The following PCDH9 variants were observed in gnomAD, a reference collection of about 807,000 sequenced individuals.
The protein encoded by PCDH9 is protocadherin-9.
PCDH9 carries 24 observed loss-of-function variants against 70.6 expected under a neutral mutation model. The observed-to-expected ratio is 0.34, with a 90% CI of 0.25 to 0.48. PCDH9 has a LOEUF of 0.48. Ranked by LOEUF, PCDH9 falls within the 20% of genes least tolerant of loss-of-function variation. The pLI is 0.99. For missense variants in PCDH9, 1,281 were observed against 1,503.6 expected (o/e 0.85, Z 2.45); for synonymous variants, 562 against 558.5 (o/e 1.01, Z -0.09).
At chr13:67,086,843 T>C (rs893336280) in intron 2 of PCDH9, among the ~76,000 whole-genome samples, 10 of 152,016 alleles carry the variant, frequency 6.6e-5, no homozygotes, top group African/African-American at 2.2e-4. Context: ...GATACAAACT[T>C]AGAAAGGAAT....
intron 3 of PCDH9, among the ~76,000 whole-genome samples, chr13:66,698,883 G>A (rs186365780): frequency 1.2e-4 from 18 of 147,272 alleles, no homozygotes; most frequent in Non-Finnish European, 2.1e-4. Context: ...CACTTCGCCC[G>A]GCTCAATTCC....
intron 4 of PCDH9, among the ~76,000 whole-genome samples, chr13:66,500,422 G>T (rs371597292): frequency 5.2e-4 from 79 of 152,008 alleles, no homozygotes; most frequent in African/African-American, 1.8e-3. Flanking sequence ...ATAATATCAA[G>T]GAATTGCTTT....
intron 3 of PCDH9, among the ~76,000 whole-genome samples, chr13:66,709,113 T>A (rs1436957366): frequency 1.3e-5 from 2 of 152,160 alleles, no homozygotes; most frequent in Non-Finnish European, 2.9e-5. Flanking sequence ...GACTTGACAA[T>A]TGATTTCCTG....
chr13:66,490,567 T>G (rs539112187), intron 4 of PCDH9, among the ~76,000 whole-genome samples: 1 of 152,348 alleles, frequency 6.6e-6, no homozygotes, highest in South Asian at 2.1e-4. Context: ...CTGTGGCTTT[T>G]ATTTTACTGG....
chr13:66,788,875 A>G (rs2080121232), intron 3 of PCDH9, among the ~76,000 whole-genome samples: 1 of 152,038 alleles, frequency 6.6e-6, no homozygotes, highest in Non-Finnish European at 1.5e-5. Context: ...TTTCCTAGAG[A>G]TAAGACTTCC....
chr13:66,908,415 A>C (rs1278905669), intron 2 of PCDH9, among the ~76,000 whole-genome samples: 2 of 152,174 alleles, frequency 1.3e-5, no homozygotes, highest in African/African-American at 2.4e-5. Context: ...CTTCCTCAGA[A>C]AGTGTTTTCT....
At position 66,433,255 on chromosome 13, in the gene PCDH9, A is replaced by G. The variant is rs372056765; in HGVS notation, c.3341-128227T>C. On this transcript the variant is annotated intron_variant, in intron 4 of 4. Coordinates refer to ENST00000377865, the MANE Select transcript of PCDH9 (RefSeq NM_203487.3). ...TTAATTAAAAGAATAAACATTAACT[A>G]TTAGTTTAATTTAAATGCCTTTGAA... Among the ~76,000 whole-genome samples, 51 of 152,126 alleles carry G rather than the reference A, an allele frequency of 3.4e-4. 1 individual carries two copies. The South Asian group carries it at 9.7e-3, about 29-fold the overall frequency.
At chr13:66,982,633 A>G (rs1215613570) in intron 2 of PCDH9, among the ~76,000 whole-genome samples, 1 of 152,110 alleles carries the variant, frequency 6.6e-6, no homozygotes, top group African/African-American at 2.4e-5. Flanking sequence ...TTCCTCTCAG[A>G]AATGTCTTAG....
intron 2 of PCDH9, among the ~76,000 whole-genome samples, chr13:67,182,464 A>G (rs1287779829): frequency 6.6e-6 from 1 of 152,098 alleles, no homozygotes; most frequent in Non-Finnish European, 1.5e-5. Flanking sequence ...AGTCCAAACT[A>G]TCATTATATG....
In PCDH9 at chr13:66,394,027, G is replaced by C. The variant is rs1957063556; in HGVS notation, c.3341-88999C>G. On this transcript the variant is annotated intron_variant, in intron 4 of 4. Coordinates refer to ENST00000377865, the MANE Select transcript of PCDH9 (RefSeq NM_203487.3). ...AATAGAGGGTTGTGAAGCTGAGGAGGAAAATACTATTTCATTTTTTATTTG... is the reference window on the plus strand; with the variant it reads ...AATAGAGGGTTGTGAAGCTGAGGAGCAAAATACTATTTCATTTTTTATTTG... Among the ~76,000 whole-genome samples the C allele has an allele frequency of 2.0e-5, 3 of 152,190 alleles. No homozygotes were observed. In the South Asian group the frequency reaches 6.2e-4, roughly 32 times the overall value.
chr13:66,777,192 G>C (rs2079910508), intron 3 of PCDH9, among the ~76,000 whole-genome samples: 2 of 152,088 alleles, frequency 1.3e-5, no homozygotes, highest in East Asian at 1.9e-4. Flanking sequence ...AGAAAAGCTA[G>C]GCAATACCAT....
At chr13:67,073,657 T>C (rs1010490590) in intron 2 of PCDH9, among the ~76,000 whole-genome samples, 2 of 152,120 alleles carry the variant, frequency 1.3e-5, no homozygotes, top group African/African-American at 4.8e-5. Context: ...CTAAAACTTT[T>C]GAGGATTTTT....
intron 3 of PCDH9, among the ~76,000 whole-genome samples, chr13:66,717,714 T>C (rs903585189): frequency 1.3e-5 from 2 of 151,796 alleles, no homozygotes; most frequent in African/African-American, 2.4e-5. Context: ...AATCTCTTAA[T>C]TGTTCTTTAG....
At chr13:66,862,910 T>C (rs547849606) in intron 3 of PCDH9, among the ~76,000 whole-genome samples, 4 of 152,272 alleles carry the variant, frequency 2.6e-5, no homozygotes, top group Non-Finnish European at 5.9e-5. Context: ...AAATGTATTA[T>C]ATATATTTTG....
chr13:66,468,401 G>C (rs1463596835), intron 4 of PCDH9, among the ~76,000 whole-genome samples: 1 of 152,026 alleles, frequency 6.6e-6, no homozygotes, highest in Non-Finnish European at 1.5e-5. Context: ...ACTGAACCCA[G>C]AGTGAAACTT....
At chr13:66,632,943 A>G (rs1370666811) in intron 3 of PCDH9, among the ~76,000 whole-genome samples, 1 of 152,106 alleles carries the variant, frequency 6.6e-6, no homozygotes, top group Non-Finnish European at 1.5e-5. Flanking sequence ...TCAAGAGACA[A>G]TTTATAGATT....
intron 2 of PCDH9, among the ~76,000 whole-genome samples, chr13:67,047,464 A>G (rs1297141157): frequency 6.6e-6 from 1 of 152,218 alleles, no homozygotes; most frequent in Non-Finnish European, 1.5e-5. Context: ...TGCAAACTAT[A>G]TAGTTACATA....
At chr13:66,925,783 A>G (rs978399524) in intron 2 of PCDH9, among the ~76,000 whole-genome samples, 1 of 151,994 alleles carries the variant, frequency 6.6e-6, no homozygotes, top group Non-Finnish European at 1.5e-5. Flanking sequence ...ATACTTTCCT[A>G]AGAATTTTCA....
At chr13:66,763,757 T>A (rs2079665316) in intron 3 of PCDH9, among the ~76,000 whole-genome samples, 1 of 152,052 alleles carries the variant, frequency 6.6e-6, no homozygotes, top group Non-Finnish European at 1.5e-5. Flanking sequence ...CAAGTTTTTT[T>A]AATAGTATAC....
Sources: gnomAD v4.1 joint callset for allele counts (sites outside exome capture counted in the v4.1 genomes callset) on GRCh38, gnomAD v4.1.1 for gene constraint, MANE v1.5 for transcripts, NCBI Gene and HGNC (gene_info 2026-07-23, HGNC 2026-07-21) for gene names.